The following SLC7A1 variants were observed in gnomAD, a reference collection of about 807,000 sequenced individuals.
SLC7A1 encodes the protein high affinity cationic amino acid transporter 1.
A neutral mutation model predicts 53.9 loss-of-function variants in SLC7A1; 10 were observed. That is an observed-to-expected ratio of 0.19 (90% CI 0.11 to 0.31). The LOEUF (loss-of-function observed/expected upper bound fraction) is 0.31. SLC7A1 is among the 10% of genes least tolerant of loss of function. SLC7A1 has a pLI of 1.00. For synonymous variants in SLC7A1, 342 were observed against 338.7 expected (o/e 1.01, Z -0.11); for missense variants, 525 against 827.2 (o/e 0.63, Z 4.48).
intron 1 of SLC7A1, among the ~76,000 whole-genome samples, chr13:29,568,895 G>A (rs1335032532): frequency 6.6e-6 from 1 of 152,170 alleles, no homozygotes; most frequent in African/African-American, 2.4e-5. Context: ...AAGTGACTCA[G>A]ACGCGCCTGA....
At chr13:29,532,708 A>G in intron 4 of SLC7A1, 116 bp downstream of exon 4, 1 of 967,810 alleles carries the variant, frequency 1.0e-6, no homozygotes, top group Non-Finnish European at 1.5e-6. Flanking sequence ...AAACAAAACA[A>G]AAAGAAATGG....
intron 2 of SLC7A1, among the ~76,000 whole-genome samples, chr13:29,548,602 T>C (rs1870033094): frequency 6.6e-6 from 1 of 152,262 alleles, no homozygotes; most frequent in Non-Finnish European, 1.5e-5. Flanking sequence ...CTGGTCTATG[T>C]AAGAAACACC....
In SLC7A1 at chr13:29,562,262, CT is replaced by C. The variant is rs576844458; in HGVS notation, c.-114-8403del. Among the ~76,000 whole-genome samples, 963 of 152,296 alleles carry C rather than the reference CT, an allele frequency of 6.3e-3. 5 individuals carry two copies. Among genetic ancestry groups the C allele is most frequent in the African/African-American group, 0.022 (903 of 41,550 alleles). On this transcript the variant is annotated intron_variant, in intron 1 of 12. Coordinates refer to ENST00000380752, the MANE Select transcript of SLC7A1 (RefSeq NM_003045.5). ...CGTGAGAATGTCAATAGTTCTTCCC[CT>C]ACTTTCTTTAAGATTATTTCATTTT...
At chr13:29,532,097 T>C (rs1260638311) in intron 4 of SLC7A1, among the ~76,000 whole-genome samples, 1 of 152,224 alleles carries the variant, frequency 6.6e-6, no homozygotes, top group Non-Finnish European at 1.5e-5. Context: ...ATTTCAATTA[T>C]GTGGTGTGTA....
At chr13:29,568,513 A>G (rs1251674673) in intron 1 of SLC7A1, among the ~76,000 whole-genome samples, 1 of 152,204 alleles carries the variant, frequency 6.6e-6, no homozygotes, top group Non-Finnish European at 1.5e-5. Context: ...CCTAATACAC[A>G]TTAGAACTCA....
At chr13:29,562,058 T>C (rs1346977876) in intron 1 of SLC7A1, among the ~76,000 whole-genome samples, 2 of 152,198 alleles carry the variant, frequency 1.3e-5, no homozygotes, top group African/African-American at 4.8e-5. Flanking sequence ...AAGTATCACG[T>C]TCCCCTGCAT....
At chr13:29,594,514 G>C (rs1055057148) in intron 1 of SLC7A1, among the ~76,000 whole-genome samples, 1 of 152,252 alleles carries the variant, frequency 6.6e-6, no homozygotes, top group Non-Finnish European at 1.5e-5. Context: ...GGCTGTTGTA[G>C]TACTACAGTG....
intron 1 of SLC7A1, among the ~76,000 whole-genome samples, chr13:29,580,957 G>T (rs1354062280): frequency 6.6e-6 from 1 of 152,058 alleles, no homozygotes; most frequent in Non-Finnish European, 1.5e-5. Flanking sequence ...TCCCACCACC[G>T]CCAGAGCCTC....
At chr13:29,528,030 C>T (rs3783260) in intron 5 of SLC7A1, among the ~76,000 whole-genome samples, 37,888 of 152,094 alleles carry the variant, frequency 0.25, 5,876 homozygotes, top group East Asian at 0.61. Context: ...GTCCAGGAGA[C>T]GAAGTGGGGA....
chr13:29,589,816 C>T (rs781532506), intron 1 of SLC7A1, among the ~76,000 whole-genome samples: 1 of 152,200 alleles, frequency 6.6e-6, no homozygotes, highest in Non-Finnish European at 1.5e-5. Context: ...CCAATCTTCA[C>T]TCTGCCACTG....
At chr13:29,514,644 G>T (rs1883502197) in intron 12 of SLC7A1, 61 bp from the exon 13 acceptor site, 3 of 1,320,656 alleles carry the variant, frequency 2.3e-6, no homozygotes, top group Non-Finnish European at 2.1e-6. Context: ...CGCAGGCAGG[G>T]CTCAGAGCCC....
intron 1 of SLC7A1, among the ~76,000 whole-genome samples, chr13:29,583,110 G>A (rs906204887): frequency 6.6e-6 from 1 of 152,192 alleles, no homozygotes; most frequent in African/African-American, 2.4e-5. Context: ...TTTAGGTGCA[G>A]GTCCCTCATT....
intron 5 of SLC7A1, 95 bp downstream of exon 5, chr13:29,530,443 C>T: frequency 9.0e-7 from 1 of 1,112,946 alleles, no homozygotes; most frequent in Non-Finnish European, 1.3e-6. Flanking sequence ...ATAATGTTTT[C>T]TTAAAAGCAC....
chr13:29,572,292 C>T (rs568844492), intron 1 of SLC7A1, among the ~76,000 whole-genome samples: 2 of 152,226 alleles, frequency 1.3e-5, no homozygotes, highest in Non-Finnish European at 2.9e-5. Context: ...AGAGCCAGGA[C>T]GCTTCACACA....
chr13:29,572,768 C>G (rs1439212105), intron 1 of SLC7A1, among the ~76,000 whole-genome samples: 1 of 152,208 alleles, frequency 6.6e-6, no homozygotes, highest in Non-Finnish European at 1.5e-5. Flanking sequence ...TTGACCAGCA[C>G]TGGGCGGGGA....
intron 1 of SLC7A1, among the ~76,000 whole-genome samples, chr13:29,586,025 G>C (rs895792911): frequency 6.6e-6 from 1 of 152,208 alleles, no homozygotes; most frequent in Admixed American, 6.5e-5. Flanking sequence ...CTTAGTTACA[G>C]AGTAAGTAAG....
In SLC7A1 at chr13:29,530,981, G is replaced by T. The variant is rs75171878; in HGVS notation, c.530-269C>A. On this transcript the variant is annotated intron_variant, in intron 4 of 12. Transcript: ENST00000380752. ...GGGAACTGAGAAGCCCACCCAAGGG[G>T]CACCCGAGAACTGCAGAGATCTGGA... Among the ~76,000 whole-genome samples, 568 of 152,222 alleles carry T rather than the reference G, an allele frequency of 3.7e-3. 24 individuals are homozygous for T. In the East Asian group the frequency reaches 0.086, roughly 23 times the overall value.
chr13:29,571,328 TAAAC>T (rs1029396270), intron 1 of SLC7A1, among the ~76,000 whole-genome samples: 1 of 152,168 alleles, frequency 6.6e-6, no homozygotes, highest in Admixed American at 6.5e-5. Context: ...ATTACAAACA[TAAAC>T]AAAATGGGAA....
At position 29,535,829 on chromosome 13, in the gene SLC7A1, G is replaced by A. The variant is rs1366432971; in HGVS notation, c.360C>T (p.Ser120=). The part of the protein sequence containing the change: ...AFITGWNLIL[S]YIIGTSSVAR... Reference sequence around the variant, plus strand: ...ACCCCTGGGACCTACCGATGATGTAGGAGAGGATTAAGTTCCAGCCGGTGA... The same window carrying A: ...ACCCCTGGGACCTACCGATGATGTAAGAGAGGATTAAGTTCCAGCCGGTGA... The change falls in exon 3 of 13, where the codon TCC becomes TCT. Residue 120 remains serine (S), a synonymous_variant. Transcript: ENST00000380752. 6.2e-7 allele frequency: 1 copy of A among 1,613,666 alleles called. No homozygotes were observed. The highest frequency in any genetic ancestry group is 8.5e-7 in the Non-Finnish European group (1 of 1,179,696).
Sources: gnomAD v4.1 joint callset for allele counts (sites outside exome capture counted in the v4.1 genomes callset) on GRCh38, gnomAD v4.1.1 for gene constraint, MANE v1.5 for transcripts, NCBI Gene and HGNC (gene_info 2026-07-23, HGNC 2026-07-21) for gene names.